The following CYP2J2 variants were observed in gnomAD, a reference collection of about 807,000 sequenced individuals.
CYP2J2 encodes cytochrome P450 2J2.
Under a neutral mutation model 48.8 loss-of-function variants are expected in CYP2J2, and 41 were observed. The observed-to-expected ratio is 0.84, with a 90% CI of 0.66 to 1.09. CYP2J2 has a LOEUF of 1.09. Ranked by LOEUF, CYP2J2 falls within the 50% of genes least tolerant of loss-of-function variation. The pLI is 0.00. For missense variants in CYP2J2, 644 were observed against 617.3 expected (o/e 1.04, Z -0.46); for synonymous variants, 221 against 227.1 (o/e 0.97, Z 0.24).
At chr1:59,937,437 A>AT in the CYP2J2 span, among the ~76,000 whole-genome samples, 1 of 152,158 alleles carries the variant, frequency 6.6e-6, no homozygotes, top group Non-Finnish European at 1.5e-5. Context: ...AGAAAAAAAA[A>AT]AAGGAAAATC....
chr1:59,956,371 T>C, the CYP2J2 span, among the ~76,000 whole-genome samples: 1 of 152,154 alleles, frequency 6.6e-6, no homozygotes, highest in South Asian at 2.1e-4. Context: ...AATTATAGTG[T>C]GCTCCTGAGT....
the CYP2J2 span, among the ~76,000 whole-genome samples, chr1:59,937,101 T>C: frequency 6.6e-6 from 1 of 152,356 alleles, no homozygotes; most frequent in Non-Finnish European, 1.5e-5. Flanking sequence ...GACAGGTGGT[T>C]CTGTTCCACG....
At chr1:59,948,919 T>C in the CYP2J2 span, among the ~76,000 whole-genome samples, 3 of 152,144 alleles carry the variant, frequency 2.0e-5, no homozygotes, top group Non-Finnish European at 4.4e-5. Context: ...TAGTCCCAGC[T>C]ACTCAGGAGG....
intron 5 of CYP2J2, 38 bp downstream of exon 5, chr1:59,909,746 T>G (rs914251408): frequency 1.3e-6 from 2 of 1,505,858 alleles, no homozygotes; most frequent in Non-Finnish European, 1.8e-6. Flanking sequence ...CTATTTGTGC[T>G]CTAAGAACAA....
intron 4 of CYP2J2, among the ~76,000 whole-genome samples, chr1:59,911,373 T>C (rs907982983): frequency 6.6e-6 from 1 of 152,198 alleles, no homozygotes; most frequent in Non-Finnish European, 1.5e-5. Context: ...GCGTATGTCA[T>C]ATAACATGTT....
At chr1:59,966,514 C>CT in the CYP2J2 span, among the ~76,000 whole-genome samples, 1 of 152,158 alleles carries the variant, frequency 6.6e-6, no homozygotes, top group East Asian at 1.9e-4. Context: ...AAACACAGGT[C>CT]TTTGACTCCA....
the CYP2J2 span, among the ~76,000 whole-genome samples, chr1:59,938,032 G>T: frequency 6.6e-6 from 1 of 152,080 alleles, no homozygotes; most frequent in African/African-American, 2.4e-5. Flanking sequence ...AATTCTCTGT[G>T]TAAAATGTCA....
chr1:59,958,846 C>A, the CYP2J2 span, among the ~76,000 whole-genome samples: 2 of 152,254 alleles, frequency 1.3e-5, no homozygotes, highest in Admixed American at 6.5e-5. Context: ...TGAACAACCT[C>A]CAAAAATCTG....
At chr1:59,912,377 T>C in intron 2 of CYP2J2, 66 bp from the exon 3 acceptor site, 11 of 1,508,376 alleles carry the variant, frequency 7.3e-6, no homozygotes, top group South Asian at 1.2e-5. Flanking sequence ...GCAAATGATA[T>C]GGGAATGTGT....
At chr1:59,957,702 ACCACACACACACAC>A in the CYP2J2 span, among the ~76,000 whole-genome samples, 1 of 148,542 alleles carries the variant, frequency 6.7e-6, no homozygotes, top group Non-Finnish European at 1.5e-5. Context: ...ACACACACAC[ACCACACACACACAC>A]CACACACACA....
chr1:59,936,314 C>A, the CYP2J2 span, among the ~76,000 whole-genome samples: 1 of 152,184 alleles, frequency 6.6e-6, no homozygotes, highest in Non-Finnish European at 1.5e-5. Context: ...TGCTTGACAG[C>A]AGAATTTGTG....
At chr1:59,903,571 GCCAGTCA>G (rs1311905929) in intron 7 of CYP2J2, among the ~76,000 whole-genome samples, 3 of 152,172 alleles carry the variant, frequency 2.0e-5, no homozygotes, top group African/African-American at 2.4e-5. Flanking sequence ...TGGATACTAT[GCCAGTCA>G]CCTGGGTAAT....
At chr1:59,965,734 C>G in the CYP2J2 span, among the ~76,000 whole-genome samples, 1 of 152,152 alleles carries the variant, frequency 6.6e-6, no homozygotes, top group Non-Finnish European at 1.5e-5. Flanking sequence ...TCACTGCAAT[C>G]TCTGCCTCCC....
At chr1:59,955,955 T>C in the CYP2J2 span, among the ~76,000 whole-genome samples, 1 of 152,088 alleles carries the variant, frequency 6.6e-6, no homozygotes, top group African/African-American at 2.4e-5. Context: ...CATTTGAGGG[T>C]AAAGTTGCAC....
intron 5 of CYP2J2, among the ~76,000 whole-genome samples, 169 bp downstream of exon 5, chr1:59,909,615 A>G (rs1406042762): frequency 6.6e-6 from 1 of 152,212 alleles, no homozygotes; most frequent in African/African-American, 2.4e-5. Context: ...CCTTATCTGT[A>G]ACCCAGTGAA....
the CYP2J2 span, among the ~76,000 whole-genome samples, chr1:59,936,392 T>C: frequency 6.6e-6 from 1 of 152,162 alleles, no homozygotes; most frequent in Admixed American, 6.5e-5. Flanking sequence ...ACACCTCTGC[T>C]TAGTCTCCCA....
rs11207536 is a variant in CYP2J2, at chr1:59,899,565, G to A, written c.1330+1400C>T. ...TTAAATTAACAATAAGCAAACTATCGTGCATTCCACAGTGTGGGTCTGTGT... is the reference window on the plus strand; with the variant it reads ...TTAAATTAACAATAAGCAAACTATCATGCATTCCACAGTGTGGGTCTGTGT... On this transcript the variant is annotated intron_variant, in intron 8 of 8. Coordinates refer to ENST00000371204, the MANE Select transcript of CYP2J2 (RefSeq NM_000775.4). Among the ~76,000 whole-genome samples, 517 of 152,264 alleles carry A rather than the reference G, an allele frequency of 3.4e-3. 25 individuals carry two copies. In the East Asian group the frequency reaches 0.088, roughly 26 times the overall value.
the CYP2J2 span, among the ~76,000 whole-genome samples, chr1:59,935,875 G>C: frequency 2.3e-4 from 35 of 152,340 alleles, no homozygotes; most frequent in East Asian, 6.0e-3. Flanking sequence ...CCAGGTTCAA[G>C]TGATTCTTCT....
Position 59,904,183 on chromosome 1 carries a change from C to T in CYP2J2, c.1191+688G>A, listed in dbSNP as rs573575198. Among the ~76,000 whole-genome samples, 7 of 152,072 alleles carry T rather than the reference C, an allele frequency of 4.6e-5. No individual in the cohort carries two copies. In the South Asian group the frequency reaches 1.5e-3, roughly 32 times the overall value. On this transcript the variant is annotated intron_variant, in intron 7 of 8. Coordinates refer to ENST00000371204, the MANE Select transcript of CYP2J2 (RefSeq NM_000775.4). Reference sequence around the variant, plus strand: ...GTCAAGAGATCCAGACCATCCTGGCCAACCAACATGGTGAAACCCCGTCTC... The same window carrying T: ...GTCAAGAGATCCAGACCATCCTGGCTAACCAACATGGTGAAACCCCGTCTC...
Sources: gnomAD v4.1 joint callset for allele counts (sites outside exome capture counted in the v4.1 genomes callset) on GRCh38, gnomAD v4.1.1 for gene constraint, MANE v1.5 for transcripts, NCBI Gene and HGNC (gene_info 2026-07-23, HGNC 2026-07-21) for gene names.